CACNA1E: variants seen among roughly 807,000 people sequenced by gnomAD.
CACNA1E encodes the protein voltage-dependent R-type calcium channel subunit alpha-1E.
A neutral mutation model predicts 259.2 loss-of-function variants in CACNA1E; 40 were observed. That is an observed-to-expected ratio of 0.15 (90% CI 0.12 to 0.20). The LOEUF (loss-of-function observed/expected upper bound fraction) is 0.20, where lower values mean the gene tolerates loss of function less well. CACNA1E is among the 10% of genes least tolerant of loss of function. CACNA1E has a pLI of 1.00. For missense variants in CACNA1E, 1,874 were observed against 3,040.1 expected (o/e 0.62, Z 9.02); for synonymous variants, 1,104 against 1,138.5 (o/e 0.97, Z 0.61).
At chr1:181,727,467 G>A (rs1259237825) in intron 18 of CACNA1E, among the ~76,000 whole-genome samples, 2 of 151,504 alleles carry the variant, frequency 1.3e-5, no homozygotes, top group African/African-American at 4.9e-5. Context: ...CCTTACAAGA[G>A]CCATTTTCGT....
At chr1:181,501,869 T>C (rs1264915558) in intron 1 of CACNA1E, among the ~76,000 whole-genome samples, 1 of 152,150 alleles carries the variant, frequency 6.6e-6, no homozygotes, top group Non-Finnish European at 1.5e-5. Context: ...AAAAAACTGA[T>C]GTTAAGGCTG....
chr1:181,587,122 G>A (rs1329103509), intron 6 of CACNA1E, among the ~76,000 whole-genome samples: 1 of 152,202 alleles, frequency 6.6e-6, no homozygotes, highest in Non-Finnish European at 1.5e-5. Flanking sequence ...TGGTACGTGG[G>A]TAGATGTGGT....
chr1:181,408,600 T>C (rs1304905142), intron 1 of CACNA1E, among the ~76,000 whole-genome samples: 5 of 152,130 alleles, frequency 3.3e-5, no homozygotes, highest in Admixed American at 3.3e-4. Context: ...GAGCCCTTAT[T>C]CTGCCATTCC....
intron 6 of CACNA1E, among the ~76,000 whole-genome samples, chr1:181,630,957 C>T (rs1187886823): frequency 6.6e-6 from 1 of 152,140 alleles, no homozygotes; most frequent in Non-Finnish European, 1.5e-5. Flanking sequence ...TGACCTAATT[C>T]CTCCCAGGCC....
At chr1:181,387,769 A>T (rs1655957031) in intron 1 of CACNA1E, among the ~76,000 whole-genome samples, 1 of 152,196 alleles carries the variant, frequency 6.6e-6, no homozygotes, top group Non-Finnish European at 1.5e-5. Context: ...ACAGACTTTC[A>T]AATGTAATTT....
At position 181,427,029 on chromosome 1, in the gene CACNA1E, C is replaced by T. The variant is rs1352705984; in HGVS notation, c.434+13449C>T. 2.7e-5 allele frequency among the ~76,000 whole-genome samples: 4 copies of T among 150,242 alleles called. 1 individual carries two copies. Among genetic ancestry groups the T allele is most frequent in the Admixed American group, 2.7e-4 (4 of 15,092 alleles). ...CCACCTCAGCTTCTTCACATCTCTA[C>T]CCCTTCCCATCTCAACCCCTTCACA... is the stretch of plus-strand genomic sequence containing the variant. On this transcript the variant is annotated intron_variant, in intron 2 of 11. Coordinates refer to the CACNA1E transcript ENST00000524607.
At chr1:181,793,875 G>A in intron 45 of CACNA1E, 82 bp downstream of exon 45, 2 of 1,446,220 alleles carry the variant, frequency 1.4e-6, no homozygotes, top group East Asian at 2.4e-5. Flanking sequence ...ATATTTGCAG[G>A]TGAGCCGTTG....
At position 181,402,061 on chromosome 1, in the gene CACNA1E, G is replaced by A. The variant is rs550793592; in HGVS notation, c.-14-11072G>A. 9.2e-5 allele frequency among the ~76,000 whole-genome samples: 14 copies of A among 152,248 alleles called. 1 individual carries two copies. The highest frequency in any genetic ancestry group is 3.4e-4 in the African/African-American group (14 of 41,560). Reference sequence around the variant, plus strand: ...ATGGCCCAGACATTCTCTCACTCCCGTTTTGTATCATTACATATTTTCAAA... The same window carrying A: ...ATGGCCCAGACATTCTCTCACTCCCATTTTGTATCATTACATATTTTCAAA... On this transcript the variant is annotated intron_variant, in intron 1 of 11. Transcript: ENST00000524607.
intron 7 of CACNA1E, among the ~76,000 whole-genome samples, chr1:181,664,007 A>G (rs912865987): frequency 7.9e-5 from 12 of 152,264 alleles, no homozygotes; most frequent in Admixed American, 3.3e-4. Context: ...TGTTGGAAGC[A>G]GAAAAAGACA....
At chr1:181,331,087 T>C (rs796157204) in intron 1 of CACNA1E, among the ~76,000 whole-genome samples, 2 of 152,192 alleles carry the variant, frequency 1.3e-5, no homozygotes, top group African/African-American at 4.8e-5. Flanking sequence ...AAAAGTAGAT[T>C]AAACAAGCAT....
At chr1:181,759,012 C>A in intron 32 of CACNA1E, 144 bp downstream of exon 32, 1 of 588,800 alleles carries the variant, frequency 1.7e-6, no homozygotes. Context: ...CAGTAAACTG[C>A]CGTAGAGACA....
chr1:181,327,027 C>T (rs1215643274), intron 1 of CACNA1E, among the ~76,000 whole-genome samples: 2 of 152,176 alleles, frequency 1.3e-5, no homozygotes, highest in African/African-American at 4.8e-5. Context: ...CTTGGCATCC[C>T]ATGCTTACCT....
chr1:181,635,335 A>G (rs1324548475), intron 6 of CACNA1E, among the ~76,000 whole-genome samples: 13 of 152,100 alleles, frequency 8.5e-5, no homozygotes, highest in Non-Finnish European at 5.9e-5. Flanking sequence ...TCATGAACCC[A>G]TTTGATTCAG....
chr1:181,325,565 C>G (rs1054493160), intron 1 of CACNA1E, among the ~76,000 whole-genome samples: 1 of 152,178 alleles, frequency 6.6e-6, no homozygotes, highest in Non-Finnish European at 1.5e-5. Flanking sequence ...GTCTCATGCA[C>G]GTTAGTTTGG....
At chr1:181,369,026 T>C (rs915772238) in intron 1 of CACNA1E, among the ~76,000 whole-genome samples, 2 of 152,236 alleles carry the variant, frequency 1.3e-5, no homozygotes, top group Non-Finnish European at 2.9e-5. Context: ...AGGATGGCTA[T>C]GCTAGAAGAA....
chr1:181,692,816 G>A (rs1651304152), intron 7 of CACNA1E, among the ~76,000 whole-genome samples: 1 of 152,118 alleles, frequency 6.6e-6, no homozygotes, highest in African/African-American at 2.4e-5. Flanking sequence ...AAACTAAAGA[G>A]CTCTGTATGG....
At chr1:181,794,441 T>C (rs1661607928) in intron 45 of CACNA1E, among the ~76,000 whole-genome samples, 1 of 148,910 alleles carries the variant, frequency 6.7e-6, no homozygotes, top group Non-Finnish European at 1.5e-5. Flanking sequence ...GGCAAGGGCG[T>C]TTAAAAAAAA....
At chr1:181,541,262 G>T (rs1668561178) in intron 3 of CACNA1E, among the ~76,000 whole-genome samples, 2 of 152,056 alleles carry the variant, frequency 1.3e-5, no homozygotes, top group Admixed American at 1.3e-4. Context: ...AGGTTTTTAG[G>T]CAGAAATGTT....
At chr1:181,797,585 G>A (rs772012451) in intron 47 of CACNA1E, among the ~76,000 whole-genome samples, 17 of 152,176 alleles carry the variant, frequency 1.1e-4, no homozygotes, top group Admixed American at 6.5e-5. Context: ...TACTAGCACT[G>A]CACATTCCTG....
Sources: gnomAD v4.1 joint callset for allele counts (sites outside exome capture counted in the v4.1 genomes callset) on GRCh38, gnomAD v4.1.1 for gene constraint, MANE v1.5 for transcripts, NCBI Gene and HGNC (gene_info 2026-07-23, HGNC 2026-07-21) for gene names.